Variants in ATL1 observed in about 807,000 individuals in gnomAD.
ATL1 encodes atlastin GTPase 1.
Under a neutral mutation model 75.5 loss-of-function variants are expected in ATL1, and 31 were observed. That is an observed-to-expected ratio of 0.41 (90% confidence interval 0.31 to 0.55). The LOEUF (loss-of-function observed/expected upper bound fraction) is 0.55. ATL1 is among the 20% of genes least tolerant of loss of function. The pLI is 0.27. For missense variants in ATL1, 405 were observed against 662.6 expected, an observed-to-expected ratio of 0.61 and a Z score of 4.27; for synonymous variants, 226 against 233.3, an observed-to-expected ratio of 0.97 and a Z score of 0.28.
At chr14:50,557,872 A>G (rs552747398), upstream of ATL1, among the ~76,000 whole-genome samples, 2 of 152,224 alleles carry the variant, frequency 1.3e-5, no homozygotes, top group South Asian at 4.1e-4. Context: ...TAGTTCTAAG[A>G]TAGGGAAAAT....
rs1235943155 is a variant in ATL1, at chr14:50,632,167, GA to G, written c.1567-56del. On this transcript the variant is annotated intron_variant, in intron 13 of 13. Coordinates refer to ENST00000358385, the MANE Select transcript of ATL1 (RefSeq NM_015915.5). ...TTATACAGTACGATAAACTAAAAAG[GA>G]AAAAATTTTACATCTGTGTGTTTAA... The G allele has an allele frequency of 2.4e-6, 3 of 1,245,428 alleles. No individual in the cohort carries two copies. The Admixed American group carries it at 6.3e-5, about 26-fold the overall frequency. 77.1% of individuals were successfully genotyped at this position (1,245,428 alleles called of 1,614,324 possible).
chr14:50,607,855 A>C (rs2039329495), intron 6 of ATL1, among the ~76,000 whole-genome samples: 2 of 152,070 alleles, frequency 1.3e-5, no homozygotes, highest in Non-Finnish European at 2.9e-5. Flanking sequence ...CATACTTATT[A>C]ATAGCTATGT....
At chr14:50,535,385 A>G (rs1286392530) in intron 1 of ATL1, among the ~76,000 whole-genome samples, 1 of 152,250 alleles carries the variant, frequency 6.6e-6, no homozygotes, top group Non-Finnish European at 1.5e-5. Flanking sequence ...GCATAAGGAC[A>G]ATAACTTTAG....
rs753197391 is a variant in ATL1 at position 50,587,894 on chromosome 14, G to C, written c.98G>C (p.Gly33Ala). ...SEEEEPVKKA[G>A]PVQVLIVKDD... ...GAGGAGGAGCCAGTGAAAAAGGCAG[G>C]ACCAGTCCAAGTCCTCATTGTCAAA... Residue 33 changes from glycine (G) to alanine (A), a missense_variant, in exon 2 of 14, where the codon GGA (glycine) becomes GCA (alanine). This residue lies in a region of ATL1 where 126 missense variants were observed against 172.0 expected (regional missense o/e 0.73). Coordinates refer to ENST00000358385, the MANE Select transcript of ATL1 (RefSeq NM_015915.5). 1 of 1,614,132 alleles carries C rather than the reference G, an allele frequency of 6.2e-7. No individual in the cohort carries two copies. The highest frequency in any genetic ancestry group is 8.5e-7 in the Non-Finnish European group (1 of 1,180,030).
chr14:50,579,227 T>G (rs147461174), intron 1 of ATL1, among the ~76,000 whole-genome samples: 60 of 152,300 alleles, frequency 3.9e-4, no homozygotes, highest in African/African-American at 1.4e-3. Flanking sequence ...ATTCAATGGA[T>G]TTAGCATCAT....
intron 7 of ATL1, 93 bp from the exon 8 acceptor site, chr14:50,614,280 G>C: frequency 1.4e-6 from 2 of 1,381,662 alleles, no homozygotes; most frequent in Non-Finnish European, 2.0e-6. Flanking sequence ...ATCATTGTGG[G>C]ACCAAACAGA....
chr14:50,584,271 G>A (rs2039081660), intron 1 of ATL1, among the ~76,000 whole-genome samples: 1 of 152,112 alleles, frequency 6.6e-6, no homozygotes, highest in Non-Finnish European at 1.5e-5. Context: ...CCATCTACTC[G>A]GGAGGTTGAG....
intron 6 of ATL1, among the ~76,000 whole-genome samples, chr14:50,596,860 A>G (rs1236109803): frequency 6.6e-6 from 1 of 152,184 alleles, no homozygotes; most frequent in Non-Finnish European, 1.5e-5. Context: ...TATAGCCATA[A>G]AAGTTTTATA....
chr14:50,610,520 A>C (rs1018196045), intron 6 of ATL1, among the ~76,000 whole-genome samples: 6 of 152,090 alleles, frequency 3.9e-5, no homozygotes, highest in Non-Finnish European at 8.8e-5. Context: ...CTTTTATTTT[A>C]TTCAAAATAA....
intron 9 of ATL1, among the ~76,000 whole-genome samples, chr14:50,621,224 G>A (rs2039464099): frequency 6.6e-6 from 1 of 152,134 alleles, no homozygotes; most frequent in South Asian, 2.1e-4. Flanking sequence ...CTTTTTACCA[G>A]CACTGAATAC....
chr14:50,555,021 A>G (rs2038747971), intron 1 of ATL1, among the ~76,000 whole-genome samples: 3 of 152,158 alleles, frequency 2.0e-5, no homozygotes, highest in Admixed American at 1.3e-4. Flanking sequence ...TTTGTTACAT[A>G]TACGGTATAT....
At chr14:50,581,272 TAA>T (rs941933188) in intron 1 of ATL1, among the ~76,000 whole-genome samples, 11 of 151,810 alleles carry the variant, frequency 7.2e-5, no homozygotes, top group Admixed American at 5.9e-4. Flanking sequence ...TTTCAAAGTT[TAA>T]GTTTCCTCTA....
intron 8 of ATL1, among the ~76,000 whole-genome samples, chr14:50,618,877 G>GTA (rs1555365359): frequency 9.8e-5 from 13 of 133,258 alleles, no homozygotes; most frequent in African/African-American, 2.1e-4. Flanking sequence ...GTGTGTGTGT[G>GTA]TATATATATA....
intron 4 of ATL1, among the ~76,000 whole-genome samples, chr14:50,593,610 A>T (rs753042650): frequency 2.0e-5 from 3 of 152,208 alleles, no homozygotes; most frequent in Non-Finnish European, 4.4e-5. Context: ...TTAATATTCC[A>T]TCTCCAGAGC....
At chr14:50,624,618 A>G (rs1208163633) in intron 11 of ATL1, among the ~76,000 whole-genome samples, 1 of 152,084 alleles carries the variant, frequency 6.6e-6, no homozygotes, top group Non-Finnish European at 1.5e-5. Flanking sequence ...GTTGAAGTTC[A>G]AAGAGACACA....
chr14:50,598,651 C>T (rs2140213015), intron 6 of ATL1, among the ~76,000 whole-genome samples: 1 of 152,302 alleles, frequency 6.6e-6, no homozygotes, highest in East Asian at 1.9e-4. Context: ...GTGTGAGCCA[C>T]TGTGCCCGGC....
intron 6 of ATL1, among the ~76,000 whole-genome samples, chr14:50,603,518 G>A (rs1457528778): frequency 6.9e-6 from 1 of 145,532 alleles, no homozygotes; most frequent in East Asian, 1.9e-4. Flanking sequence ...ATTACATTAG[G>A]ACAAGTACTG....
rs1227419273 is a variant in ATL1 at position 50,632,360 on chromosome 14, G to A, written c.*21G>A. The A allele has an allele frequency of 6.9e-7, 1 of 1,453,752 alleles. No individual in the cohort carries two copies. The highest frequency in any genetic ancestry group is 1.1e-5 in the South Asian group (1 of 87,424). 90.1% of individuals were successfully genotyped at this position (1,453,752 alleles called of 1,614,324 possible). On this transcript the variant is annotated 3_prime_UTR_variant, in exon 14 of 14. Coordinates refer to ENST00000358385, the MANE Select transcript of ATL1 (RefSeq NM_015915.5). ...TGTAATGCAAATTTTAAGAAATACA[G>A]GTGCATGACCAATTGTCAATTAAAT...
chr14:50,596,120 G>C (rs1452789847), intron 6 of ATL1, among the ~76,000 whole-genome samples: 1 of 152,104 alleles, frequency 6.6e-6, no homozygotes, highest in Non-Finnish European at 1.5e-5. Flanking sequence ...AAGTCTATAA[G>C]AATTATTTAG....
Sources: allele counts gnomAD v4.1 joint callset (sites outside exome capture counted in the v4.1 genomes callset), GRCh38; gene constraint gnomAD v4.1.1; regional missense constraint gnomAD v4.1.1; transcripts MANE v1.5; gene names NCBI Gene and HGNC (gene_info 2026-07-23, HGNC 2026-07-21).